DOCK4: variants seen among roughly 807,000 people sequenced by gnomAD.
DOCK4 encodes dedicator of cytokinesis 4, also known as dedicator of cytokinesis protein 4.
DOCK4 carries 97 observed loss-of-function variants against 268.1 expected under a neutral mutation model. That is an observed-to-expected ratio of 0.36 (90% CI 0.31 to 0.43). The LOEUF is 0.43. Among genes scored for constraint, DOCK4 ranks in the 20% least tolerant of loss-of-function variants. DOCK4 has a pLI of 1.00. For missense variants in DOCK4, 2,145 were observed against 2,455.7 expected (o/e 0.87, Z 2.67); for synonymous variants, 954 against 887.2 (o/e 1.08, Z -1.34).
At chr7:111,790,325 G>T in intron 31 of DOCK4, 132 bp downstream of exon 31, 1 of 1,065,330 alleles carries the variant, frequency 9.4e-7, no homozygotes, top group Non-Finnish European at 1.3e-6. Flanking sequence ...CTTGGGAGTG[G>T]ATAGGCCAGG....
chr7:111,926,865 G>A (rs1374146498), intron 12 of DOCK4, among the ~76,000 whole-genome samples: 1 of 146,312 alleles, frequency 6.8e-6, no homozygotes, highest in Non-Finnish European at 1.5e-5. Flanking sequence ...AAGAGAGAGA[G>A]AGAGAAAGGA....
chr7:111,919,982 C>G (rs1792962711), intron 12 of DOCK4, among the ~76,000 whole-genome samples: 1 of 152,116 alleles, frequency 6.6e-6, no homozygotes, highest in South Asian at 2.1e-4. Flanking sequence ...GCCACCAGAA[C>G]AGTAAGAAAC....
chr7:112,204,212 C>T, intron 1 of DOCK4, among the ~76,000 whole-genome samples: 1 of 152,098 alleles, frequency 6.6e-6, no homozygotes, highest in South Asian at 2.1e-4. Flanking sequence ...TAAAGAAAGG[C>T]AAGAGAGGAA....
intron 5 of DOCK4, among the ~76,000 whole-genome samples, chr7:111,991,762 C>T (rs1394920825): frequency 2.0e-5 from 3 of 151,668 alleles, no homozygotes; most frequent in African/African-American, 7.3e-5. Flanking sequence ...GAGATCGAGA[C>T]CATCCTGGCT....
chr7:112,136,096 C>A (rs1293169177), intron 1 of DOCK4, among the ~76,000 whole-genome samples: 2 of 152,076 alleles, frequency 1.3e-5, no homozygotes, highest in South Asian at 2.1e-4. Flanking sequence ...AAATTAAATA[C>A]CCTCTCAGAA....
chr7:112,078,761 G>A (rs554092531), intron 1 of DOCK4, among the ~76,000 whole-genome samples: 5 of 152,136 alleles, frequency 3.3e-5, no homozygotes, highest in African/African-American at 7.2e-5. Context: ...ACTTATACAC[G>A]TATCTCCTGC....
chr7:111,900,813 T>C (rs1586312447), intron 14 of DOCK4, among the ~76,000 whole-genome samples: 1 of 152,154 alleles, frequency 6.6e-6, no homozygotes, highest in Non-Finnish European at 1.5e-5. Flanking sequence ...TTCAACTACA[T>C]GGTAAAGTTC....
rs1250656382 is a variant in DOCK4, at chr7:111,726,291, C to G, written c.*1983G>C. Reference sequence around the variant, plus strand: ...CAAAATTTTTTTTAAAAAATGGCTCCAAGAGCAAATAACACTGATTTATAA... The same window carrying G: ...CAAAATTTTTTTTAAAAAATGGCTCGAAGAGCAAATAACACTGATTTATAA... On this transcript the variant is annotated 3_prime_UTR_variant, in exon 53 of 53. Coordinates refer to ENST00000428084, the MANE Select transcript of DOCK4 (RefSeq NM_001363540.2). 6.6e-6 allele frequency: 1 copy of G among 152,490 alleles called. No homozygotes were observed. The highest frequency in any genetic ancestry group is 1.5e-5 in the Non-Finnish European group (1 of 67,996). 9.4% of individuals were successfully genotyped at this position (152,490 alleles called of 1,614,324 possible). A position where few individuals can be genotyped will look rare whatever the true frequency, so the allele number is the denominator to read the frequency against.
At chr7:111,870,602 A>T (rs1806344446) in intron 20 of DOCK4, among the ~76,000 whole-genome samples, 1 of 152,130 alleles carries the variant, frequency 6.6e-6, no homozygotes, top group African/African-American at 2.4e-5. Context: ...GATTACAGGC[A>T]TGAGCCACTG....
chr7:111,976,156 A>AT (rs58185503), intron 8 of DOCK4, among the ~76,000 whole-genome samples: 4,044 of 84,170 alleles, frequency 0.048, 454 homozygotes, highest in African/African-American at 0.072. Flanking sequence ...AAAAAAAAAA[A>AT]AAAAAATATA....
intron 1 of DOCK4, among the ~76,000 whole-genome samples, chr7:112,005,212 A>G (rs1270085881): frequency 6.6e-6 from 1 of 152,230 alleles, no homozygotes; most frequent in Non-Finnish European, 1.5e-5. Context: ...AATCCCCAAA[A>G]TAAGTTATTG....
intron 1 of DOCK4, among the ~76,000 whole-genome samples, chr7:112,044,788 G>C (rs1303921015): frequency 6.6e-6 from 1 of 152,014 alleles, no homozygotes; most frequent in Non-Finnish European, 1.5e-5. Flanking sequence ...TCACTGGATA[G>C]GTTCTTTAAC....
chr7:111,800,984 G>A (rs892921972), intron 30 of DOCK4, among the ~76,000 whole-genome samples: 22 of 152,194 alleles, frequency 1.4e-4, no homozygotes, highest in South Asian at 1.0e-3. Context: ...GCAACCGCCC[G>A]AAACATTTCT....
Position 111,727,234 on chromosome 7 carries a change from C to A in DOCK4, c.*1040G>T, listed in dbSNP as rs994353996. On this transcript the variant is annotated 3_prime_UTR_variant, in exon 53 of 53. Coordinates refer to ENST00000428084, the MANE Select transcript of DOCK4 (RefSeq NM_001363540.2). ...GAGAAAGACGACAGGTCAGCTAAGA[C>A]AAACTCCACTGGTAAAAGTGGAGAG... 2 of 152,652 alleles carry A rather than the reference C, an allele frequency of 1.3e-5. No homozygotes were observed. Among genetic ancestry groups the A allele is most frequent in the African/African-American group, 4.8e-5 (2 of 41,462 alleles). The allele number at this position is 152,652 out of a possible 1,614,324, so 9.5% of individuals were successfully genotyped here.
Position 111,968,650 on chromosome 7 carries a change from G to T in DOCK4, c.701+8482C>A. On this transcript the variant is annotated intron_variant, in intron 8 of 52. Transcript: ENST00000428084. The stretch of plus-strand genomic sequence containing the variant: ...GTTCAACCATTGTGGAAGTCAGTGT[G>T]GCGATTCCTCAGGGATCTAGAACTA... Among the ~76,000 whole-genome samples, 2 of 120,934 alleles carry T rather than the reference G, an allele frequency of 1.7e-5. 1 individual carries two copies. The highest frequency in any genetic ancestry group is 3.2e-5 in the Non-Finnish European group (2 of 62,080). The allele number at this position is 120,934 out of a possible 152,430, so 79.3% of individuals were successfully genotyped here. A position where few individuals can be genotyped will look rare whatever the true frequency, so the allele number is the denominator to read the frequency against.
At chr7:112,011,029 C>A (rs1459867881) in intron 1 of DOCK4, among the ~76,000 whole-genome samples, 1 of 152,112 alleles carries the variant, frequency 6.6e-6, no homozygotes, top group East Asian at 1.9e-4. Context: ...GTAGATAGTC[C>A]TCGAACCCTA....
intron 1 of DOCK4, among the ~76,000 whole-genome samples, chr7:112,171,947 TCCTC>T (rs1374693217): frequency 2.6e-5 from 4 of 152,178 alleles, no homozygotes; most frequent in Non-Finnish European, 4.4e-5. Flanking sequence ...CCTCACATGG[TCCTC>T]CCTCTGTGCA....
intron 42 of DOCK4, among the ~76,000 whole-genome samples, chr7:111,748,814 A>G (rs557528552): frequency 6.6e-6 from 1 of 152,284 alleles, no homozygotes; most frequent in South Asian, 2.1e-4. Flanking sequence ...AATGTTCATA[A>G]TCTCCAAAAT....
intron 13 of DOCK4, among the ~76,000 whole-genome samples, chr7:111,911,322 A>C (rs1315663003): frequency 1.3e-5 from 2 of 152,246 alleles, no homozygotes; most frequent in African/African-American, 2.4e-5. Flanking sequence ...ATGAATTGAC[A>C]AGTCTGAAAG....
Sources: gnomAD v4.1 joint callset for allele counts (sites outside exome capture counted in the v4.1 genomes callset) on GRCh38, gnomAD v4.1.1 for gene constraint, MANE v1.5 for transcripts, NCBI Gene and HGNC (gene_info 2026-07-23, HGNC 2026-07-21) for gene names.